HMOX1: variants seen among roughly 807,000 people sequenced by gnomAD.
The protein encoded by HMOX1 is heat shock protein, 32-kD.
A neutral mutation model predicts 27.8 loss-of-function variants in HMOX1; 22 were observed. The ratio of observed to expected loss-of-function variants is 0.79; its 90% CI spans 0.57 to 1.13. HMOX1 has a LOEUF of 1.13. HMOX1 is among the 50% of genes most tolerant of loss of function. The probability of loss-of-function intolerance (pLI) is 0.00; values close to 1 mark genes in which losing one functional copy is unlikely to be tolerated. For missense variants in HMOX1, 379 were observed against 377.7 expected, an observed-to-expected ratio of 1.00 and a Z score of -0.03; for synonymous variants, 153 against 151.6, an observed-to-expected ratio of 1.01 and a Z score of -0.07.
chr22:35,386,183 C>A (rs1931498908), intron 2 of HMOX1, among the ~76,000 whole-genome samples: 2 of 151,944 alleles, frequency 1.3e-5, no homozygotes, highest in Non-Finnish European at 2.9e-5. Context: ...GTCTTGATGT[C>A]CTGACCTTGT....
rs1348706445 is a variant in HMOX1, at chr22:35,381,155, C to A, written c.-19C>A. On this transcript the variant is annotated 5_prime_UTR_variant, in exon 1 of 5. Coordinates refer to ENST00000216117, the MANE Select transcript of HMOX1 (RefSeq NM_002133.3). Reference sequence around the variant, plus strand: ...CCGCCGCCCGCGGAGCCAGCACGAACGAGCCCAGCACCGGCCGGATGGAGC... The same window carrying A: ...CCGCCGCCCGCGGAGCCAGCACGAAAGAGCCCAGCACCGGCCGGATGGAGC... 6.5e-7 allele frequency: 1 copy of A among 1,541,748 alleles called. No homozygotes were observed. Among genetic ancestry groups the A allele is most frequent in the Admixed American group, 1.9e-5 (1 of 51,316 alleles).
Position 35,393,614 on chromosome 22 carries a change from C to T in HMOX1, c.*16C>T, listed in dbSNP as rs1931783572. On this transcript the variant is annotated 3_prime_UTR_variant, in exon 5 of 5. Transcript: ENST00000216117. ...TGCCATGTGAATGCAGGCATGCTGGCTCCCAGGGCCATGAACTTTGTCCGG... is the reference window on the plus strand; with the variant it reads ...TGCCATGTGAATGCAGGCATGCTGGTTCCCAGGGCCATGAACTTTGTCCGG... 5.0e-6 allele frequency: 8 copies of T among 1,613,930 alleles called. No individual in the cohort carries two copies. Among genetic ancestry groups the T allele is most frequent in the Non-Finnish European group, 5.9e-6 (7 of 1,179,938 alleles).
chr22:35,388,002 G>A lies in HMOX1; in HGVS notation c.636+826G>A, dbSNP rs140691197. On this transcript the variant is annotated intron_variant, in intron 3 of 4. Coordinates refer to ENST00000216117, the MANE Select transcript of HMOX1 (RefSeq NM_002133.3). ...AAAAGGGCCAGGTGCAGTGGCTCGC[G>A]CCTGTAATCCCAGCACTTTGGGAAG... is the stretch of plus-strand genomic sequence containing the variant. Among the ~76,000 whole-genome samples, 179 of 152,290 alleles carry A rather than the reference G, an allele frequency of 1.2e-3. 7 individuals are homozygous for A. The East Asian group carries it at 0.029, about 24-fold the overall frequency.
In HMOX1 at chr22:35,391,592, T is replaced by A. The variant is rs1931724767; in HGVS notation, c.736+1629T>A. Among the ~76,000 whole-genome samples, 6 of 130,166 alleles carry A rather than the reference T, an allele frequency of 4.6e-5. No homozygotes were observed. In the South Asian group the frequency reaches 1.7e-3, roughly 36 times the overall value. The allele number at this position is 130,166 out of a possible 152,430, so 85.4% of individuals were successfully genotyped here. ...GTGAGCCACCGCGCCCGGCCTTTTT[T>A]TTTTTTTTTTTTTTTTTTTGAGACA... On this transcript the variant is annotated intron_variant, in intron 4 of 4. Coordinates refer to ENST00000216117, the MANE Select transcript of HMOX1 (RefSeq NM_002133.3).
At position 35,386,793 on chromosome 22, in the gene HMOX1, C is replaced by T. The variant is rs141730669; in HGVS notation, c.253C>T (p.Arg85Cys). 79 of 1,614,202 alleles carry T rather than the reference C, an allele frequency of 4.9e-5. No homozygotes were observed. The African/African-American group carries it at 5.1e-4, about 10-fold the overall frequency. ...APVYFPEELH[R>C]KAALEQDLAF... The stretch of plus-strand genomic sequence containing the variant: ...TGTCTACTTCCCAGAAGAGCTGCAC[C>T]GCAAGGCTGCCCTGGAGCAGGACCT... The change falls in exon 3 of 5, where the codon CGC (arginine) becomes TGC (cysteine). Residue 85 changes from arginine to cysteine, a missense_variant. Physicochemically the swap from Arg to Cys is radical, Grantham distance 180. Transcript: ENST00000216117.
At chr22:35,389,259 T>TCTCTCTCTCTC (rs1931602988) in intron 3 of HMOX1, among the ~76,000 whole-genome samples, 1 of 130,552 alleles carries the variant, frequency 7.7e-6, no homozygotes, top group Admixed American at 7.2e-5. Context: ...TTTCTCTCTC[T>TCTCTCTCTCTC]CTCTCTCTCT....
chr22:35,385,886 C>T (rs1931489524), intron 2 of HMOX1, among the ~76,000 whole-genome samples: 2 of 152,240 alleles, frequency 1.3e-5, no homozygotes, highest in Admixed American at 1.3e-4. Context: ...CTGCCTCAGC[C>T]TCCCAAAGTG....
intron 2 of HMOX1, 40 bp downstream of exon 2, chr22:35,383,266 G>A (rs1164553234): frequency 6.2e-7 from 1 of 1,608,074 alleles, no homozygotes; most frequent in Admixed American, 1.7e-5. Flanking sequence ...GGAGGGTGTG[G>A]CAGGTGTGGG....
rs1931798740 is a variant in HMOX1 at position 35,394,104 on chromosome 22, G to A, written c.*506G>A. On this transcript the variant is annotated 3_prime_UTR_variant, in exon 5 of 5. Transcript: ENST00000216117. ...TTCTGTTGTTTTTATAGCAGGGTTGGGGTGGTTTTTGAGCCATGCGTGGGT... is the reference window on the plus strand; with the variant it reads ...TTCTGTTGTTTTTATAGCAGGGTTGAGGTGGTTTTTGAGCCATGCGTGGGT... The A allele has an allele frequency of 8.9e-6, 2 of 223,908 alleles. No individual in the cohort carries two copies. Among genetic ancestry groups the A allele is most frequent in the South Asian group, 6.9e-5 (1 of 14,436 alleles). 13.9% of individuals were successfully genotyped at this position (223,908 alleles called of 1,614,324 possible). A position where few individuals can be genotyped will look rare whatever the true frequency, so the allele number is the denominator to read the frequency against.
rs1416962815 is a variant in HMOX1, at chr22:35,381,203, G to A, written c.23+7G>A. On this transcript the variant is annotated splice_region_variant and intron_variant, in intron 1 of 4. Coordinates refer to ENST00000216117, the MANE Select transcript of HMOX1 (RefSeq NM_002133.3). ...AGCGTCCGCAACCCGACAGGCAAGC[G>A]CGGGGCGCGGGACGCGGGACGGGCG... 1.3e-6 allele frequency: 2 copies of A among 1,546,932 alleles called. No homozygotes were observed. The highest frequency in any genetic ancestry group is 8.7e-7 in the Non-Finnish European group (1 of 1,152,352).
intron 4 of HMOX1, 141 bp from the exon 5 acceptor site, chr22:35,393,327 T>C: frequency 1.0e-6 from 1 of 975,680 alleles, no homozygotes; most frequent in Non-Finnish European, 1.6e-6. Context: ...GAGGGACACC[T>C]GTCTGTGGTC....
intron 1 of HMOX1, among the ~76,000 whole-genome samples, chr22:35,382,435 T>C (rs1261527720): frequency 6.6e-6 from 1 of 152,102 alleles, no homozygotes; most frequent in African/African-American, 2.4e-5. Context: ...CACTGCAACC[T>C]CTGCCTCCTG....
chr22:35,392,149 G>A (rs17879027), intron 4 of HMOX1, among the ~76,000 whole-genome samples: 5,371 of 150,826 alleles, frequency 0.036, 114 homozygotes, highest in Middle Eastern at 0.082. Context: ...TCCTAAGTCC[G>A]GGAGGCAGAG....
At chr22:35,383,738 A>T (rs1243964679) in intron 2 of HMOX1, among the ~76,000 whole-genome samples, 1 of 152,206 alleles carries the variant, frequency 6.6e-6, no homozygotes, top group Non-Finnish European at 1.5e-5. Flanking sequence ...CTTTTCTAAC[A>T]GTGAGACTGA....
intron 2 of HMOX1, among the ~76,000 whole-genome samples, chr22:35,384,125 G>A (rs1423668500): frequency 2.0e-5 from 3 of 151,626 alleles, no homozygotes; most frequent in South Asian, 2.1e-4. Flanking sequence ...TCTGTTGTCC[G>A]GGCTGGAGTG....
At chr22:35,389,233 C>CTTTCTTTCT in intron 3 of HMOX1, among the ~76,000 whole-genome samples, 5 of 136,410 alleles carry the variant, frequency 3.7e-5, no homozygotes, top group African/African-American at 1.4e-4. Flanking sequence ...TTCTTTCTTT[C>CTTTCTTTCT]TTTCTTTTTC....
chr22:35,393,470 T>G lies in HMOX1; in HGVS notation c.739T>G (p.Ser247Ala), dbSNP rs780175193. The G allele has an allele frequency of 1.2e-6, 2 of 1,614,182 alleles. No individual in the cohort carries two copies. ...RQRASNKVQD[S>A]APVETPRGKP... ...CCTTGCCCCATTTTCTCTTTCAGAT[T>G]CTGCCCCCGTGGAGACTCCCAGAGG... Residue 247 changes from serine (S) to alanine (A), a missense_variant and splice_region_variant, in exon 5 of 5, where the codon TCT becomes GCT. Transcript: ENST00000216117.
chr22:35,389,395 C>CCTTTCTTTCTTTCTTTCTTTCTTT lies in HMOX1; in HGVS notation c.637-458_637-435dup, dbSNP rs372672366. Among the ~76,000 whole-genome samples the CCTTTCTTTCTTTCTTTCTTTCTTT allele has an allele frequency of 7.5e-4, 39 of 51,788 alleles. 1 individual carries two copies. Among genetic ancestry groups the CCTTTCTTTCTTTCTTTCTTTCTTT allele is most frequent in the Non-Finnish European group, 8.9e-4 (26 of 29,078 alleles). 34.0% of individuals were successfully genotyped at this position (51,788 alleles called of 152,430 possible). ...TCCTTCCTTCCTTCCTTCCTTCCTT[C>CCTTTCTTTCTTTCTTTCTTTCTTT]CTTTCTTTCTTTCTTTCTTTCTTTC... On this transcript the variant is annotated intron_variant, in intron 3 of 4. Transcript: ENST00000216117.
Position 35,393,853 on chromosome 22 carries a change from G to A in HMOX1, c.*255G>A. On this transcript the variant is annotated 3_prime_UTR_variant, in exon 5 of 5. Transcript: ENST00000216117. ...TCAGCCCTGCCCTTCAGCATCCTCA[G>A]TTCCTGCAGCAGAGCCTGGAAGACA... 2 of 482,382 alleles carry A rather than the reference G, an allele frequency of 4.1e-6. No homozygotes were observed. The highest frequency in any genetic ancestry group is 7.6e-6 in the Non-Finnish European group (2 of 262,270). The allele number at this position is 482,382 out of a possible 1,614,324, so 29.9% of individuals were successfully genotyped here.
Sources: gnomAD v4.1 joint callset for allele counts (sites outside exome capture counted in the v4.1 genomes callset) on GRCh38, gnomAD v4.1.1 for gene constraint, MANE v1.5 for transcripts, NCBI Gene and HGNC (gene_info 2026-07-23, HGNC 2026-07-21) for gene names.